The following SYNPO variants were observed in gnomAD, a reference collection of about 807,000 sequenced individuals.
SYNPO encodes the protein synaptopodin.
Under a neutral mutation model 49.5 loss-of-function variants are expected in SYNPO, and 19 were observed. That is an observed-to-expected ratio of 0.38 (90% confidence interval 0.27 to 0.56). SYNPO has a LOEUF of 0.56. Ranked by LOEUF, SYNPO falls within the 20% of genes least tolerant of loss-of-function variation. The probability of loss-of-function intolerance (pLI) is 0.68; values close to 1 mark genes in which losing one functional copy is unlikely to be tolerated. For missense variants in SYNPO, 1,131 were observed against 1,248.3 expected, an observed-to-expected ratio of 0.91 and a Z score of 1.42; for synonymous variants, 536 against 548.0, an observed-to-expected ratio of 0.98 and a Z score of 0.31.
upstream of SYNPO, among the ~76,000 whole-genome samples, chr5:150,598,691 C>T (rs888640087): frequency 3.3e-5 from 5 of 152,204 alleles, no homozygotes; most frequent in African/African-American, 4.8e-5. Context: ...AGAACTCCTA[C>T]GAAACCCCCT....
intron 2 of SYNPO, among the ~76,000 whole-genome samples, chr5:150,635,434 T>G (rs1182351929): frequency 6.6e-6 from 1 of 152,210 alleles, no homozygotes; most frequent in Non-Finnish European, 1.5e-5. Context: ...AATGCAGAGC[T>G]CAGAAGGAGA....
chr5:150,647,467 G>A (rs115515509), intron 1 of SYNPO, among the ~76,000 whole-genome samples: 1 of 152,230 alleles, frequency 6.6e-6, no homozygotes, highest in East Asian at 1.9e-4. Context: ...ACTGCTACCT[G>A]GGAAAAGATT....
intron 1 of SYNPO, among the ~76,000 whole-genome samples, chr5:150,643,683 C>T (rs576003092): frequency 1.1e-4 from 17 of 152,206 alleles, no homozygotes; most frequent in East Asian, 3.9e-4. Context: ...TACAGGCGCC[C>T]GCCACCACGC....
intron 1 of SYNPO, among the ~76,000 whole-genome samples, chr5:150,646,013 T>C (rs950321938): frequency 6.6e-6 from 1 of 152,110 alleles, no homozygotes; most frequent in Non-Finnish European, 1.5e-5. Flanking sequence ...GGGTGACACT[T>C]TTTACTGTAT....
At chr5:150,639,655 C>T (rs953382063), upstream of SYNPO, among the ~76,000 whole-genome samples, 1 of 152,198 alleles carries the variant, frequency 6.6e-6, no homozygotes, top group Non-Finnish European at 1.5e-5. Context: ...ATAAGGGAAC[C>T]TCCTCTATGA....
upstream of SYNPO, among the ~76,000 whole-genome samples, chr5:150,597,989 C>T (rs892715687): frequency 6.6e-6 from 1 of 152,090 alleles, no homozygotes; most frequent in South Asian, 2.1e-4. Flanking sequence ...GGAAACCACC[C>T]GGTTACCTAA....
intron 2 of SYNPO, among the ~76,000 whole-genome samples, chr5:150,622,206 G>A (rs749707176): frequency 5.3e-5 from 8 of 152,178 alleles, no homozygotes; most frequent in Non-Finnish European, 1.0e-4. Flanking sequence ...TTACAGATGA[G>A]GAAACTAAGG....
intron 2 of SYNPO, among the ~76,000 whole-genome samples, chr5:150,625,848 G>GCCCCATC (rs1420733075): frequency 5.9e-5 from 9 of 152,196 alleles, no homozygotes; most frequent in Non-Finnish European, 1.0e-4. Flanking sequence ...AGCAGCATGT[G>GCCCCATC]CCCCATCCCC....
chr5:150,600,315 C>G (rs1756498138), upstream of SYNPO, among the ~76,000 whole-genome samples: 2 of 152,246 alleles, frequency 1.3e-5, no homozygotes, highest in South Asian at 4.1e-4. Context: ...GAGGGGATGC[C>G]CAGAGCAGCA....
intron 2 of SYNPO, among the ~76,000 whole-genome samples, chr5:150,625,221 C>G (rs1280812661): frequency 2.0e-5 from 3 of 152,206 alleles, no homozygotes; most frequent in Non-Finnish European, 2.9e-5. Flanking sequence ...CGGATCAGGG[C>G]GAGGCAGCCC....
At chr5:150,636,843 ATG>A (rs1757733493), upstream of SYNPO, among the ~76,000 whole-genome samples, 1 of 152,048 alleles carries the variant, frequency 6.6e-6, no homozygotes, top group Non-Finnish European at 1.5e-5. Context: ...GTGTCTGATA[ATG>A]AGCAGAAGAG....
chr5:150,601,982 G>C (rs779290389), intron 1 of SYNPO, among the ~76,000 whole-genome samples: 9 of 151,430 alleles, frequency 5.9e-5, no homozygotes, highest in Admixed American at 1.3e-4. Context: ...CATCACCACT[G>C]TAGCCCTGGC....
intron 2 of SYNPO, among the ~76,000 whole-genome samples, chr5:150,620,895 TTTTCTC>T (rs1249550161): frequency 1.5e-5 from 2 of 137,322 alleles, no homozygotes; most frequent in Admixed American, 7.4e-5. Context: ...TTTTTTCTTT[TTTTCTC>T]TTTCTTTCTT....
chr5:150,657,094 A>AC lies in SYNPO; in HGVS notation c.*12dup. 7.2e-7 allele frequency: 1 copy of AC among 1,389,172 alleles called. No homozygotes were observed. Among genetic ancestry groups the AC allele is most frequent in the Non-Finnish European group, 9.9e-7 (1 of 1,011,106 alleles). The allele number at this position is 1,389,172 out of a possible 1,614,324, so 86.1% of individuals were successfully genotyped here. On this transcript the variant is annotated 3_prime_UTR_variant, in exon 3 of 3. Coordinates refer to ENST00000307662, the MANE Select transcript of SYNPO (RefSeq NM_007286.6). ...GGCCTCCTGCACCACCTAGAGCCCCACCCCCGACCCCACCCCGGGAGGGCA... is the reference window on the plus strand; with the variant it reads ...GGCCTCCTGCACCACCTAGAGCCCCACCCCCCGACCCCACCCCGGGAGGGCA...
intron 1 of SYNPO, among the ~76,000 whole-genome samples, chr5:150,645,552 T>C (rs965606783): frequency 6.6e-6 from 1 of 152,216 alleles, no homozygotes; most frequent in Non-Finnish European, 1.5e-5. Context: ...TATAGATTAA[T>C]AGGGGACTGA....
intron 1 of SYNPO, among the ~76,000 whole-genome samples, chr5:150,608,797 T>G (rs1339152829): frequency 6.6e-6 from 1 of 152,186 alleles, no homozygotes; most frequent in Non-Finnish European, 1.5e-5. Context: ...AGCTTTGGAA[T>G]GTATAAAAGA....
At chr5:150,651,243 C>G in intron 2 of SYNPO, 1 of 1,002,838 alleles carries the variant, frequency 1.0e-6, no homozygotes, top group Non-Finnish European at 1.2e-6. Flanking sequence ...CTAAAAGAAG[C>G]CACCTCAGCG....
chr5:150,594,143 C>T, the SYNPO span, among the ~76,000 whole-genome samples: 3 of 152,172 alleles, frequency 2.0e-5, no homozygotes, highest in Non-Finnish European at 4.4e-5. Flanking sequence ...AGGACAGAGG[C>T]GCTCTGTGGA....
chr5:150,656,753 C>T lies in SYNPO; in HGVS notation c.2378C>T (p.Pro793Leu), dbSNP rs913836528. 1.7e-5 allele frequency: 20 copies of T among 1,179,838 alleles called. No homozygotes were observed. The highest frequency in any genetic ancestry group is 2.1e-5 in the Non-Finnish European group (20 of 965,752). 73.1% of individuals were successfully genotyped at this position (1,179,838 alleles called of 1,614,324 possible). The change falls in exon 3 of 3, where the codon CCC becomes CTC. Residue 793 changes from proline (P) to leucine (L), a missense_variant. Transcript: ENST00000307662. ...FSPPRAPPPP[P>L]PPPPPPPRMR... ...CCGCCGAGGGCGCCACCGCCCCCGC[C>T]CCCGCCCCCGCCCCCGCCCCCGCGC...
Sources: allele counts gnomAD v4.1 joint callset (sites outside exome capture counted in the v4.1 genomes callset), GRCh38; gene constraint gnomAD v4.1.1; transcripts MANE v1.5; gene names NCBI Gene and HGNC (gene_info 2026-07-23, HGNC 2026-07-21).